Variants in FAP observed in about 807,000 individuals in gnomAD.
FAP encodes the protein prolyl endopeptidase FAP.
Under a neutral mutation model 126.5 loss-of-function variants are expected in FAP, and 110 were observed. The observed-to-expected ratio is 0.87, with a 90% CI of 0.74 to 1.02. The LOEUF is 1.02. Among genes scored for constraint, FAP ranks in the 50% least tolerant of loss-of-function variants. The probability of loss-of-function intolerance (pLI) is 0.00; values close to 1 mark genes in which losing one functional copy is unlikely to be tolerated. For missense variants in FAP, 919 were observed against 909.2 expected, an observed-to-expected ratio of 1.01 and a Z score of -0.14; for synonymous variants, 334 against 297.3, an observed-to-expected ratio of 1.12 and a Z score of -1.27.
Position 162,215,986 on chromosome 2 carries a change from G to T in FAP, c.778C>A (p.Pro260Thr), listed in dbSNP as rs772284412. 1 of 1,613,776 alleles carries T rather than the reference G, an allele frequency of 6.2e-7. No homozygotes were observed. Among genetic ancestry groups the T allele is most frequent in the Non-Finnish European group, 8.5e-7 (1 of 1,179,784 alleles). The change falls in exon 10 of 26, where the codon CCC (proline) becomes ACC (threonine). Residue 260 changes from proline (P) to threonine (T), a missense_variant. By Grantham distance (38) the Pro-to-Thr change is conservative (BLOSUM62 -1). Transcript: ENST00000188790. ...IPYPKAGAKN[P>T]VVRIFIIDTT... Reference sequence around the variant, plus strand: ...TCGATAATAAATATCCGAACAACGGGATTCTTAGCTCCAGCCTGCCAAGAA... The same window carrying T: ...TCGATAATAAATATCCGAACAACGGTATTCTTAGCTCCAGCCTGCCAAGAA...
chr2:162,198,120 C>A, intron 16 of FAP: 2 of 1,202,546 alleles, frequency 1.7e-6, no homozygotes, highest in African/African-American at 1.6e-5. Context: ...CCTAAACAAC[C>A]AGGAAATGTT....
At chr2:162,178,038 C>T (rs1687546722) in intron 21 of FAP, among the ~76,000 whole-genome samples, 1 of 152,138 alleles carries the variant, frequency 6.6e-6, no homozygotes. Flanking sequence ...CTCTGTATCC[C>T]TATACTTAGG....
rs1689317080 is a variant in FAP at position 162,219,943 on chromosome 2, A to G, written c.414-18T>C. 4.4e-6 allele frequency: 7 copies of G among 1,574,714 alleles called. No individual in the cohort carries two copies. Among genetic ancestry groups the G allele is most frequent in the Non-Finnish European group, 5.2e-6 (6 of 1,146,102 alleles). ...CAAATTCTCTAGAAGGAAAGAAAGA[A>G]AGAAAAACAACAAACCTTGCTGTTT... On this transcript the variant is annotated intron_variant, in intron 6 of 25. Transcript: ENST00000188790.
chr2:162,229,787 G>A (rs1689817258), intron 2 of FAP, among the ~76,000 whole-genome samples: 1 of 152,022 alleles, frequency 6.6e-6, no homozygotes, highest in Non-Finnish European at 1.5e-5. Context: ...TTCCTAGTTA[G>A]CAATTAATTT....
chr2:162,224,741 A>G (rs1370287812), intron 4 of FAP, among the ~76,000 whole-genome samples: 1 of 152,184 alleles, frequency 6.6e-6, no homozygotes, highest in Non-Finnish European at 1.5e-5. Flanking sequence ...GCAAGAGATA[A>G]TATATACTTT....
intron 24 of FAP, 24 bp from the exon 25 acceptor site, chr2:162,172,908 A>G: frequency 6.4e-7 from 1 of 1,574,124 alleles, no homozygotes; most frequent in Non-Finnish European, 8.7e-7. Context: ...AGAGAGAGTT[A>G]AAGTGCTGCT....
intron 2 of FAP, among the ~76,000 whole-genome samples, chr2:162,235,744 C>G (rs1400715052): frequency 2.0e-5 from 3 of 152,138 alleles, no homozygotes; most frequent in African/African-American, 7.2e-5. Flanking sequence ...GGTCTCCTTC[C>G]ACACTGTGGA....
At position 162,243,391 on chromosome 2, in the gene FAP, A is replaced by T; in HGVS notation, c.-64T>A. The T allele has an allele frequency of 6.3e-7, 1 of 1,580,702 alleles. No individual in the cohort carries two copies. Among genetic ancestry groups the T allele is most frequent in the Non-Finnish European group, 8.6e-7 (1 of 1,168,348 alleles). ...CAGAGCGTGGGTCACTGGATCTGTG[A>T]AAACCGTTGAAAAGGACCAAGTCTG... is the stretch of plus-strand genomic sequence containing the variant. On this transcript the variant is annotated 5_prime_UTR_variant, in exon 1 of 26. Coordinates refer to ENST00000188790, the MANE Select transcript of FAP (RefSeq NM_004460.5).
At position 162,189,558 on chromosome 2, in the gene FAP, G is replaced by T. The variant is rs148066871; in HGVS notation, c.1549+98C>A. The stretch of plus-strand genomic sequence containing the variant: ...TGAAATCCTGTAATATTAATAGATC[G>T]CAGAATTTGCACTGTAACATTCACT... On this transcript the variant is annotated intron_variant, in intron 18 of 25. Coordinates refer to ENST00000188790, the MANE Select transcript of FAP (RefSeq NM_004460.5). The T allele has an allele frequency of 1.1e-3, 686 of 650,046 alleles. 3 individuals are homozygous for T. The African/African-American group carries it at 0.012, about 11-fold the overall frequency. 40.3% of individuals were successfully genotyped at this position (650,046 alleles called of 1,614,324 possible).
Position 162,243,353 on chromosome 2 carries a change from C to T in FAP, c.-26G>A. On this transcript the variant is annotated 5_prime_UTR_variant, in exon 1 of 26. Coordinates refer to ENST00000188790, the MANE Select transcript of FAP (RefSeq NM_004460.5). ...TTTTCCAGATGTTTTTGAAAGTTAGCTAATTCTGTCTTCAGAGCGTGGGTC... is the reference window on the plus strand; with the variant it reads ...TTTTCCAGATGTTTTTGAAAGTTAGTTAATTCTGTCTTCAGAGCGTGGGTC... 3 of 1,610,640 alleles carry T rather than the reference C, an allele frequency of 1.9e-6. No individual in the cohort carries two copies.
rs137871066 is a variant in FAP, at chr2:162,214,787, A to T, written c.867-714T>A. On this transcript the variant is annotated intron_variant, in intron 10 of 25. Transcript: ENST00000188790. ...TATGTCCTAATAGTTATATACCTTT[A>T]GGCCAGTTACTTAACTCTTCTATTT... Among the ~76,000 whole-genome samples the T allele has an allele frequency of 3.6e-3, 548 of 152,192 alleles. 3 individuals carry two copies. Among genetic ancestry groups the T allele is most frequent in the Non-Finnish European group, 6.2e-3 (423 of 68,020 alleles).
In FAP at chr2:162,198,779, C is replaced by T; in HGVS notation, c.1380G>A (p.Lys460=). 6.2e-7 allele frequency: 1 copy of T among 1,614,092 alleles called. No individual in the cohort carries two copies. The highest frequency in any genetic ancestry group is 8.5e-7 in the Non-Finnish European group (1 of 1,179,970). The change falls in exon 16 of 26, where the codon AAG becomes AAA. Residue 460 remains lysine (K), a synonymous_variant. Transcript: ENST00000188790. ...TACCGTAGCAGACAAGTGCATAGTA[C>T]TTGGCGTAGTCGCTGAAACTTGCTG... ...YYTASFSDYA[K]YYALVCYGPG... is the part of the protein sequence containing the mutation.
intron 3 of FAP, among the ~76,000 whole-genome samples, chr2:162,226,030 ATAGAC>A (rs1689632524): frequency 6.6e-6 from 1 of 152,184 alleles, no homozygotes; most frequent in Admixed American, 6.5e-5. Context: ...CTAAAATGTC[ATAGAC>A]TATTTAGTTG....
chr2:162,203,743 G>A (rs1688589246), intron 12 of FAP, among the ~76,000 whole-genome samples: 1 of 152,104 alleles, frequency 6.6e-6, no homozygotes, highest in Admixed American at 6.6e-5. Flanking sequence ...CAATGCCCTG[G>A]TTTGACCTCT....
At position 162,235,268 on chromosome 2, in the gene FAP, C is replaced by T. The variant is rs544611847; in HGVS notation, c.91+7640G>A. 3.4e-3 allele frequency among the ~76,000 whole-genome samples: 522 copies of T among 152,238 alleles called. 2 individuals are homozygous for T. The highest frequency in any genetic ancestry group is 6.3e-3 in the Non-Finnish European group (427 of 67,996). On this transcript the variant is annotated intron_variant, in intron 2 of 25. Transcript: ENST00000188790. Reference sequence around the variant, plus strand: ...TTCCCCCTGCTCCACAGTGCCCGGTCCCATGGATGGCCCAAGGGCTGAGGA... The same window carrying T: ...TTCCCCCTGCTCCACAGTGCCCGGTTCCATGGATGGCCCAAGGGCTGAGGA...
At chr2:162,207,901 G>A (rs957843272) in intron 12 of FAP, among the ~76,000 whole-genome samples, 1 of 150,408 alleles carries the variant, frequency 6.6e-6, no homozygotes, top group East Asian at 2.1e-4. Context: ...TTAGTAGACG[G>A]GGTTTCACAG....
At chr2:162,217,729 T>A (rs1172458544) in intron 9 of FAP, among the ~76,000 whole-genome samples, 1 of 152,188 alleles carries the variant, frequency 6.6e-6, no homozygotes, top group Non-Finnish European at 1.5e-5. Flanking sequence ...GTTAAGCTTG[T>A]TTTTCCTCCA....
intron 20 of FAP, among the ~76,000 whole-genome samples, 194 bp downstream of exon 20, chr2:162,187,975 C>T (rs886592276): frequency 2.6e-5 from 4 of 152,084 alleles, no homozygotes; most frequent in African/African-American, 9.7e-5. Flanking sequence ...TTTTTCTACA[C>T]ATTCGTTAGC....
At chr2:162,211,045 G>A (rs768236949) in intron 11 of FAP, among the ~76,000 whole-genome samples, 4 of 152,194 alleles carry the variant, frequency 2.6e-5, no homozygotes, top group Non-Finnish European at 5.9e-5. Context: ...GGCAGGAAAT[G>A]TATTTCCCAG....
Sources: allele counts gnomAD v4.1 joint callset (sites outside exome capture counted in the v4.1 genomes callset), GRCh38; gene constraint gnomAD v4.1.1; transcripts MANE v1.5; gene names NCBI Gene and HGNC (gene_info 2026-07-23, HGNC 2026-07-21).